The following HTT variants were observed in gnomAD, a reference collection of about 807,000 sequenced individuals.
HTT encodes huntingtin.
In HTT, 104 loss-of-function variants were observed where a neutral mutation model predicts 362.3. That is an observed-to-expected ratio of 0.29 (90% CI 0.24 to 0.34). The LOEUF is 0.34. Among genes scored for constraint, HTT ranks in the 10% least tolerant of loss-of-function variants. The pLI is 1.00. For synonymous variants in HTT, 1,577 were observed against 1,548.7 expected (o/e 1.02, Z -0.43); for missense variants, 3,301 against 3,928.6 (o/e 0.84, Z 4.27).
In HTT at chr4:3,174,968, G is replaced by A. The variant is rs777708796; in HGVS notation, c.4268G>A (p.Arg1423His). 6.9e-6 allele frequency: 11 copies of A among 1,600,722 alleles called. No individual in the cohort carries two copies. The African/African-American group carries it at 8.1e-5, about 12-fold the overall frequency. The change falls in exon 33 of 67, where the codon CGT becomes CAT. Residue 1423 changes from arginine (R) to histidine (H), a missense_variant. Physicochemically the swap from Arg to His is conservative, Grantham distance 29 (BLOSUM62 0). Coordinates refer to ENST00000355072, the MANE Select transcript of HTT (RefSeq NM_001388492.1). ...TAGAATGCTATTCATAATCACATTC[G>A]TTTGTTTGAACCTCTTGTTATAAAA... ...ADKNAIHNHI[R>H]LFEPLVIKAL...
intron 29 of HTT, among the ~76,000 whole-genome samples, chr4:3,166,815 A>G (rs1717735711): frequency 6.6e-6 from 1 of 152,202 alleles, no homozygotes; most frequent in Non-Finnish European, 1.5e-5. Context: ...TTTGGGCAGG[A>G]GTGTACTGCT....
Position 3,132,861 on chromosome 4 carries a change from C to T in HTT, c.2443C>T (p.Leu815=), listed in dbSNP as rs1332718857. 1.2e-6 allele frequency: 2 copies of T among 1,614,058 alleles called. No homozygotes were observed. Among genetic ancestry groups the T allele is most frequent in the Non-Finnish European group, 1.7e-6 (2 of 1,179,990 alleles). The change falls in exon 18 of 67, where the codon CTG becomes TTG. Residue 815 remains leucine (L), a synonymous_variant. Transcript: ENST00000355072. The part of the protein sequence containing the change: ...ADCIPLLRKT[L]KDESSVTCKL... ...TTGCATTCCTTTGCTGCGGAAAACA[C>T]TGAAGGATGAGTCTTCTGTTACTTG...
Position 3,134,324 on chromosome 4 carries a change from C to G in HTT, c.2494-77C>G, listed in dbSNP as rs1041980306. On this transcript the variant is annotated intron_variant, in intron 18 of 66. Transcript: ENST00000355072. ...CAGAACATTGTGTGTTGAAGAGTGACGGTTCTCAAACCGTCAAGACGCGGG... is the reference window on the plus strand; with the variant it reads ...CAGAACATTGTGTGTTGAAGAGTGAGGGTTCTCAAACCGTCAAGACGCGGG... The G allele has an allele frequency of 5.8e-5, 76 of 1,316,692 alleles. No individual in the cohort carries two copies. In the East Asian group the frequency reaches 1.8e-3, roughly 31 times the overall value. The allele number at this position is 1,316,692 out of a possible 1,614,324, so 81.6% of individuals were successfully genotyped here.
chr4:3,140,498 C>T lies in HTT; in HGVS notation c.2799-12C>T, dbSNP rs1191136600. On this transcript the variant is annotated splice_polypyrimidine_tract_variant and intron_variant, in intron 21 of 66. Coordinates refer to ENST00000355072, the MANE Select transcript of HTT (RefSeq NM_001388492.1). ...TACTTTCTTAAGCAAATTAACCTTA[C>T]TTTTGTGTTAGGCTTGTCCCAAAGC... 1 of 1,613,432 alleles carries T rather than the reference C, an allele frequency of 6.2e-7. No homozygotes were observed. The highest frequency in any genetic ancestry group is 8.5e-7 in the Non-Finnish European group (1 of 1,179,666).
At chr4:3,126,322 G>A (rs1034296173) in intron 11 of HTT, among the ~76,000 whole-genome samples, 3 of 152,126 alleles carry the variant, frequency 2.0e-5, no homozygotes, top group Admixed American at 6.5e-5. Context: ...CCACAGTGCC[G>A]GGATTACAGG....
At chr4:3,230,634 C>T (rs941226466) in intron 60 of HTT, among the ~76,000 whole-genome samples, 45 of 152,212 alleles carry the variant, frequency 3.0e-4, no homozygotes, top group African/African-American at 9.4e-4. Context: ...TACTTCTCAC[C>T]GTTCTGGGGG....
intron 9 of HTT, among the ~76,000 whole-genome samples, chr4:3,122,365 A>G (rs546268828): frequency 6.6e-6 from 1 of 152,316 alleles, no homozygotes; most frequent in Admixed American, 6.5e-5. Context: ...GGTGTAGTGC[A>G]CAGTGTGTGT....
rs778433118 is a variant in HTT at position 3,187,710 on chromosome 4, G to T, written c.5049G>T (p.Leu1683=). ...GAATTCTGGCCATTTTGAGGGTTCT[G>T]ATTTCCCAGTCAACTGAAGATATTG... The part of the protein sequence containing the change: ...ISGILAILRV[L]ISQSTEDIVL... Residue 1683 remains leucine (L), a synonymous_variant, in exon 39 of 67, where the codon CTG becomes CTT. Coordinates refer to ENST00000355072, the MANE Select transcript of HTT (RefSeq NM_001388492.1). 4 of 1,614,140 alleles carry T rather than the reference G, an allele frequency of 2.5e-6. No individual in the cohort carries two copies. The highest frequency in any genetic ancestry group is 3.4e-6 in the Non-Finnish European group (4 of 1,179,998).
chr4:3,191,893 T>C (rs1292252643), intron 40 of HTT, among the ~76,000 whole-genome samples: 2 of 152,200 alleles, frequency 1.3e-5, no homozygotes, highest in African/African-American at 2.4e-5. Context: ...AGTCTTTCAG[T>C]TGCAGGGATA....
chr4:3,228,177 G>T lies in HTT; in HGVS notation c.7849-438G>T, dbSNP rs928041842. On this transcript the variant is annotated intron_variant, in intron 57 of 66. Transcript: ENST00000355072. The surrounding 1 kb of genome is among the most constrained non-coding windows in gnomAD (Gnocchi z 4.3). ...GGTGTGCTGACTGCGTGGTGGCTGC[G>T]TGATCTAGAGCGCGGGTCACAAAGG... is the stretch of plus-strand genomic sequence containing the variant. 6.6e-6 allele frequency among the ~76,000 whole-genome samples: 1 copy of T among 152,174 alleles called. No individual in the cohort carries two copies. Among genetic ancestry groups the T allele is most frequent in the African/African-American group, 2.4e-5 (1 of 41,430 alleles).
intron 6 of HTT, among the ~76,000 whole-genome samples, chr4:3,107,965 C>T (rs925328048): frequency 2.6e-5 from 4 of 152,180 alleles, no homozygotes; most frequent in African/African-American, 7.2e-5. Context: ...TGGGTTTGAG[C>T]CCAAGTGACC....
intron 47 of HTT, among the ~76,000 whole-genome samples, chr4:3,210,197 A>G (rs1720085458): frequency 6.6e-6 from 1 of 152,186 alleles, no homozygotes; most frequent in Non-Finnish European, 1.5e-5. Context: ...TTTCAGCCAC[A>G]TTAGAATCCA....
intron 40 of HTT, among the ~76,000 whole-genome samples, chr4:3,195,282 C>T (rs148503403): frequency 1.3e-5 from 2 of 152,290 alleles, no homozygotes; most frequent in African/African-American, 2.4e-5. Context: ...TTGAAAACAG[C>T]ATTCTTTATT....
chr4:3,180,689 T>C (rs577329742), intron 36 of HTT, 38 bp downstream of exon 36: 6 of 1,583,428 alleles, frequency 3.8e-6, no homozygotes, highest in East Asian at 2.3e-5. Flanking sequence ...GTGGATACTT[T>C]ATTGACCCGT....
chr4:3,097,492 C>T (rs1261765506), intron 2 of HTT, among the ~76,000 whole-genome samples: 6 of 152,086 alleles, frequency 3.9e-5, no homozygotes, highest in Non-Finnish European at 5.9e-5. Flanking sequence ...ATTAGTTGGT[C>T]GTGGTGCTGT....
chr4:3,172,340 A>T lies in HTT; in HGVS notation c.3885A>T (p.Gly1295=). The T allele has an allele frequency of 6.2e-7, 1 of 1,607,614 alleles. No homozygotes were observed. Among genetic ancestry groups the T allele is most frequent in the South Asian group, 1.1e-5 (1 of 90,932 alleles). ...DIGKCVEEIL[G]YLKSCFSREP... ...TACAGTGTGTTGAAGAGATCCTAGG[A>T]TACCTGAAATCCTGCTTTAGTCGAG... is the stretch of plus-strand genomic sequence containing the variant. The change falls in exon 30 of 67, where the codon GGA becomes GGT. Residue 1295 remains glycine, a synonymous_variant. Coordinates refer to ENST00000355072, the MANE Select transcript of HTT (RefSeq NM_001388492.1).
intron 26 of HTT, among the ~76,000 whole-genome samples, chr4:3,151,802 A>G (rs934926268): frequency 1.3e-5 from 2 of 152,206 alleles, no homozygotes; most frequent in African/African-American, 4.8e-5. Flanking sequence ...GCACCTGTAC[A>G]TGGACACATA....
intron 51 of HTT, among the ~76,000 whole-genome samples, chr4:3,216,750 G>T (rs1720418336): frequency 1.3e-5 from 2 of 152,210 alleles, no homozygotes. Context: ...AATAGGCCGG[G>T]CGCGGTGGCT....
At position 3,089,011 on chromosome 4, in the gene HTT, A is replaced by G. The variant is rs151090177; in HGVS notation, c.347+1989A>G. Among the ~76,000 whole-genome samples, 254 of 151,622 alleles carry G rather than the reference A, an allele frequency of 1.7e-3. 2 individuals are homozygous for G. Among genetic ancestry groups the G allele is most frequent in the Admixed American group, 3.0e-3 (46 of 15,198 alleles). On this transcript the variant is annotated intron_variant, in intron 2 of 66. Transcript: ENST00000355072. ...AATACAACGCTATGATAAAAGTAGGAAAAAAAAAGGTTTGAATTCTATCTC... is the reference window on the plus strand; with the variant it reads ...AATACAACGCTATGATAAAAGTAGGGAAAAAAAAGGTTTGAATTCTATCTC...
Sources: allele counts gnomAD v4.1 joint callset (sites outside exome capture counted in the v4.1 genomes callset), GRCh38; gene constraint gnomAD v4.1.1; non-coding constraint Gnocchi (gnomAD v3.1); transcripts MANE v1.5; gene names NCBI Gene and HGNC (gene_info 2026-07-23, HGNC 2026-07-21).